The following PPARGC1A variants were observed in gnomAD, a reference collection of about 807,000 sequenced individuals.
PPARGC1A encodes the protein peroxisome proliferator-activated receptor gamma coactivator 1-alpha.
In PPARGC1A, 25 loss-of-function variants were observed where a neutral mutation model predicts 88.7. The observed-to-expected ratio is 0.28, with a 90% CI of 0.21 to 0.39. The LOEUF (loss-of-function observed/expected upper bound fraction) is 0.39, where lower values mean the gene tolerates loss of function less well. PPARGC1A is among the 10% of genes least tolerant of loss of function. The pLI is 1.00. For missense variants in PPARGC1A, 880 were observed against 968.7 expected (o/e 0.91, Z 1.22); for synonymous variants, 363 against 355.6 (o/e 1.02, Z -0.24).
At chr4:23,834,999 T>G (rs1725749485) in intron 2 of PPARGC1A, among the ~76,000 whole-genome samples, 1 of 152,176 alleles carries the variant, frequency 6.6e-6, no homozygotes, top group Non-Finnish European at 1.5e-5. Flanking sequence ...ATACACACTT[T>G]CAGTAAATTG....
chr4:24,163,364 C>A, the PPARGC1A span, among the ~76,000 whole-genome samples: 1 of 151,826 alleles, frequency 6.6e-6, no homozygotes, highest in Non-Finnish European at 1.5e-5. Flanking sequence ...TCTAATGCAA[C>A]CTCATAGAGC....
At chr4:23,913,255 TATATATATATATAGAGAG>T in the PPARGC1A span, among the ~76,000 whole-genome samples, 3 of 45,550 alleles carry the variant, frequency 6.6e-5, no homozygotes, top group African/African-American at 1.7e-4. Flanking sequence ...TATATATATA[TATATATATATATAGAGAG>T]AGAGAGAGAG....
At chr4:24,246,245 T>TA in the PPARGC1A span, among the ~76,000 whole-genome samples, 3 of 152,132 alleles carry the variant, frequency 2.0e-5, no homozygotes, top group African/African-American at 4.8e-5. Flanking sequence ...CTTCCTACTA[T>TA]AAAAAAACAG....
chr4:24,372,916 C>A, the PPARGC1A span, among the ~76,000 whole-genome samples: 2 of 152,146 alleles, frequency 1.3e-5, no homozygotes, highest in Non-Finnish European at 2.9e-5. Context: ...AGAGAGCTGG[C>A]GGAAAGTCAG....
chr4:24,161,124 A>G, the PPARGC1A span, among the ~76,000 whole-genome samples: 1 of 152,254 alleles, frequency 6.6e-6, no homozygotes, highest in Non-Finnish European at 1.5e-5. Flanking sequence ...TAAATAAGGA[A>G]GAGCATGACT....
intron 2 of PPARGC1A, among the ~76,000 whole-genome samples, chr4:23,850,880 CA>C (rs1729163946): frequency 6.6e-6 from 1 of 152,126 alleles, no homozygotes. Flanking sequence ...CTAACTTATC[CA>C]GAACATTTTT....
chr4:24,417,878 T>C, the PPARGC1A span, among the ~76,000 whole-genome samples: 1 of 152,096 alleles, frequency 6.6e-6, no homozygotes, highest in Non-Finnish European at 1.5e-5. Flanking sequence ...CTTCTAATTT[T>C]TCTCAAATAA....
At chr4:24,210,340 T>C in the PPARGC1A span, among the ~76,000 whole-genome samples, 1 of 152,240 alleles carries the variant, frequency 6.6e-6, no homozygotes, top group African/African-American at 2.4e-5. Context: ...TTCCTGATAA[T>C]CACTTCTTTG....
At chr4:24,303,054 G>A in the PPARGC1A span, among the ~76,000 whole-genome samples, 1 of 152,188 alleles carries the variant, frequency 6.6e-6, no homozygotes, top group Non-Finnish European at 1.5e-5. Flanking sequence ...AGACCCCTGT[G>A]TGGAACCACG....
chr4:24,289,558 T>G, the PPARGC1A span, among the ~76,000 whole-genome samples: 1 of 152,238 alleles, frequency 6.6e-6, no homozygotes, highest in Non-Finnish European at 1.5e-5. Flanking sequence ...TAACTGTTAT[T>G]TTATTTCACT....
the PPARGC1A span, among the ~76,000 whole-genome samples, chr4:24,460,209 C>T: frequency 6.6e-6 from 1 of 152,172 alleles, no homozygotes; most frequent in Non-Finnish European, 1.5e-5. Flanking sequence ...TCATTGTAAA[C>T]AAGCATTTTA....
the PPARGC1A span, among the ~76,000 whole-genome samples, chr4:24,055,081 C>T: frequency 6.6e-6 from 1 of 152,214 alleles, no homozygotes; most frequent in African/African-American, 2.4e-5. Context: ...GCAGCTGCTA[C>T]AGGACAGAGC....
At chr4:24,136,517 G>A in the PPARGC1A span, among the ~76,000 whole-genome samples, 11 of 152,222 alleles carry the variant, frequency 7.2e-5, no homozygotes, top group Non-Finnish European at 1.6e-4. Context: ...TGGAAATGCC[G>A]CAATTGGGAA....
the PPARGC1A span, among the ~76,000 whole-genome samples, chr4:24,158,966 C>T: frequency 0.37 from 56,302 of 151,914 alleles, 11,848 homozygotes; most frequent in African/African-American, 0.57. Flanking sequence ...CAACTGATAA[C>T]AGCGCATGAT....
chr4:24,366,812 G>A, the PPARGC1A span, among the ~76,000 whole-genome samples: 3 of 152,090 alleles, frequency 2.0e-5, no homozygotes, highest in African/African-American at 4.8e-5. Context: ...TTGATAAAAC[G>A]CCATAGAGAT....
At chr4:24,003,173 C>T in the PPARGC1A span, among the ~76,000 whole-genome samples, 2 of 152,112 alleles carry the variant, frequency 1.3e-5, no homozygotes, top group African/African-American at 4.8e-5. Flanking sequence ...GTTACCTACA[C>T]CCACACAGCT....
the PPARGC1A span, among the ~76,000 whole-genome samples, chr4:23,966,799 C>T: frequency 6.6e-6 from 1 of 152,176 alleles, no homozygotes; most frequent in African/African-American, 2.4e-5. Flanking sequence ...TATTATGCCT[C>T]AACCATTACA....
the PPARGC1A span, among the ~76,000 whole-genome samples, chr4:24,387,826 G>GAAAGAAAGGA: frequency 1.9e-5 from 1 of 53,068 alleles, no homozygotes; most frequent in African/African-American, 5.5e-5. Context: ...GAAAGAAAGA[G>GAAAGAAAGGA]AGAAAGAGAG....
chr4:23,841,051 C>G (rs1322704172), intron 2 of PPARGC1A, among the ~76,000 whole-genome samples: 1 of 152,116 alleles, frequency 6.6e-6, no homozygotes, highest in Admixed American at 6.6e-5. Context: ...TAATGATCAT[C>G]TTTTGTAAAA....
Sources: allele counts gnomAD v4.1 joint callset (sites outside exome capture counted in the v4.1 genomes callset), GRCh38; gene constraint gnomAD v4.1.1; transcripts MANE v1.5; gene names NCBI Gene and HGNC (gene_info 2026-07-23, HGNC 2026-07-21).